Variants in NUDT21 observed in about 807,000 individuals in gnomAD.
The protein encoded by NUDT21 is nudix hydrolase 21, also known as cleavage and polyadenylation specificity factor subunit 5.
NUDT21 carries 5 observed loss-of-function variants against 29.8 expected under a neutral mutation model. The observed-to-expected ratio is 0.17, with a 90% CI of 0.09 to 0.35. The LOEUF is 0.35. Among genes scored for constraint, NUDT21 ranks in the 10% least tolerant of loss-of-function variants. The pLI is 1.00. For synonymous variants in NUDT21, 113 were observed against 98.5 expected (o/e 1.15, Z -0.87); for missense variants, 76 against 276.0 (o/e 0.28, Z 5.13).
At chr16:56,443,005 A>G (rs760397714) in intron 3 of NUDT21, among the ~76,000 whole-genome samples, 1 of 151,886 alleles carries the variant, frequency 6.6e-6, no homozygotes, top group Non-Finnish European at 1.5e-5. Context: ...AGTTTTGTCA[A>G]TGGTTGAATT....
At position 56,447,779 on chromosome 16, in the gene NUDT21, C is replaced by T; in HGVS notation, c.317+10G>A. ...AAACTGTCTTGCTGTTAATTTCCAA[C>T]ACTACTTACAGTTTGAAGAAAGTTG... On this transcript the variant is annotated intron_variant, in intron 2 of 6. Transcript: ENST00000300291. 6.2e-7 allele frequency: 1 copy of T among 1,613,320 alleles called. No homozygotes were observed. The highest frequency in any genetic ancestry group is 8.5e-7 in the Non-Finnish European group (1 of 1,179,298).
intron 3 of NUDT21, 28 bp downstream of exon 3, chr16:56,446,598 T>C: frequency 7.5e-7 from 1 of 1,333,674 alleles, no homozygotes; most frequent in Non-Finnish European, 1.1e-6. Flanking sequence ...AAGTTGATGG[T>C]ATTCAAAGTG....
chr16:56,433,457 A>C (rs1290499723), intron 6 of NUDT21, among the ~76,000 whole-genome samples: 4 of 152,202 alleles, frequency 2.6e-5, no homozygotes, highest in African/African-American at 9.6e-5. Flanking sequence ...ATCTACTTTC[A>C]TAACCACCAT....
intron 4 of NUDT21, among the ~76,000 whole-genome samples, chr16:56,438,824 G>C (rs1486875566): frequency 6.6e-6 from 1 of 150,408 alleles, no homozygotes; most frequent in African/African-American, 2.4e-5. Flanking sequence ...GTGTGTAAAA[G>C]AGACTTTAGA....
At chr16:56,446,356 C>T in intron 3 of NUDT21, 1 of 302,414 alleles carries the variant, frequency 3.3e-6, no homozygotes. Flanking sequence ...GGAATTAGCG[C>T]ATGTAAAGCA....
intron 4 of NUDT21, 199 bp downstream of exon 4, chr16:56,439,458 G>T (rs1385627139): frequency 5.7e-6 from 3 of 529,530 alleles, no homozygotes; most frequent in Non-Finnish European, 1.0e-5. Context: ...TTACAGGCAT[G>T]AGCCACCTCG....
rs774806740 is a variant in NUDT21, at chr16:56,434,782, C to T, written c.519G>A (p.Lys173=). Residue 173 remains lysine, a synonymous_variant, in exon 5 of 7, where the codon AAG becomes AAA. Coordinates refer to ENST00000300291, the MANE Select transcript of NUDT21 (RefSeq NM_007006.3). ...TTTCTTGAAGCTGAACCAGAAACAA[C>T]TTCTTATGTTCCTTAGGCTTTGTAA... ...AHITKPKEHK[K]LFLVQLQEKA... is the part of the protein sequence containing the mutation. The T allele has an allele frequency of 4.4e-6, 7 of 1,603,460 alleles. No individual in the cohort carries two copies. The East Asian group carries it at 1.6e-4, about 36-fold the overall frequency.
chr16:56,451,056 G>A, intron 1 of NUDT21, 31 bp downstream of exon 1: 1 of 1,588,610 alleles, frequency 6.3e-7, no homozygotes, highest in Non-Finnish European at 8.6e-7. Context: ...TTTCACGAGA[G>A]AAATGCCCGC....
At chr16:56,434,886 A>C in intron 4 of NUDT21, 57 bp from the exon 5 acceptor site, 1 of 1,033,354 alleles carries the variant, frequency 9.7e-7, no homozygotes. Flanking sequence ...ATTTCTTTAC[A>C]TGTTTACTCC....
chr16:56,444,614 C>CAAA (rs1962196888), intron 3 of NUDT21, among the ~76,000 whole-genome samples: 2 of 116,810 alleles, frequency 1.7e-5, no homozygotes, highest in African/African-American at 6.5e-5. Context: ...AAAAAAAAAA[C>CAAA]AAAAACAAAA....
At position 56,429,671 on chromosome 16, in the gene NUDT21, G is replaced by C. The variant is rs1420909378; in HGVS notation, c.*3041C>G. The C allele has an allele frequency of 1.3e-5, 2 of 152,172 alleles. No homozygotes were observed. The highest frequency in any genetic ancestry group is 4.8e-5 in the African/African-American group (2 of 41,450). 9.4% of individuals were successfully genotyped at this position (152,172 alleles called of 1,614,324 possible). ...GATGTATAACAAGTGAAGTAAGTAT[G>C]GGAAAATCAAATCTTATGCTACAGA... is the stretch of plus-strand genomic sequence containing the variant. On this transcript the variant is annotated 3_prime_UTR_variant, in exon 7 of 7. Transcript: ENST00000300291.
chr16:56,436,779 T>C (rs1342125531), intron 4 of NUDT21, among the ~76,000 whole-genome samples: 1 of 152,224 alleles, frequency 6.6e-6, no homozygotes, highest in African/African-American at 2.4e-5. Flanking sequence ...GATAGGAAGA[T>C]GATATGCTCC....
chr16:56,446,415 A>G (rs1007859250), intron 3 of NUDT21: 2 of 480,870 alleles, frequency 4.2e-6, no homozygotes, highest in Non-Finnish European at 7.3e-6. Context: ...GTTTTAATTT[A>G]CCATTGCTGT....
chr16:56,439,894 T>C (rs1333290941), intron 3 of NUDT21, 148 bp from the exon 4 acceptor site: 4 of 676,392 alleles, frequency 5.9e-6, no homozygotes, highest in Non-Finnish European at 1.1e-5. Flanking sequence ...TTTGTTAATA[T>C]AGATGTCACT....
chr16:56,444,076 T>C (rs1962188855), intron 3 of NUDT21, among the ~76,000 whole-genome samples: 1 of 152,180 alleles, frequency 6.6e-6, no homozygotes, highest in Non-Finnish European at 1.5e-5. Context: ...GGCCAGGAGT[T>C]TGAGACCAGC....
chr16:56,446,758 T>C, intron 2 of NUDT21, 69 bp from the exon 3 acceptor site: 2 of 943,388 alleles, frequency 2.1e-6, no homozygotes, highest in Admixed American at 2.3e-5. Context: ...ACACAATAAT[T>C]GTTATTTCTA....
chr16:56,442,680 GC>G lies in NUDT21; in HGVS notation c.382-2935del, dbSNP rs754126106. Reference sequence around the variant, plus strand: ...AGGTCTTCTCAATCTCAAAACTCATGCCCTTTGAGGTTTGAGAAATTTTCTC... The same window carrying G: ...AGGTCTTCTCAATCTCAAAACTCATGCCTTTGAGGTTTGAGAAATTTTCTC... On this transcript the variant is annotated intron_variant, in intron 3 of 6. Coordinates refer to ENST00000300291, the MANE Select transcript of NUDT21 (RefSeq NM_007006.3). Among the ~76,000 whole-genome samples the G allele has an allele frequency of 3.9e-5, 6 of 152,132 alleles. No individual in the cohort carries two copies. In the East Asian group the frequency reaches 7.7e-4, roughly 20 times the overall value.
At chr16:56,435,784 T>TATATATATATATATATATA (rs58350584) in intron 4 of NUDT21, among the ~76,000 whole-genome samples, 2 of 101,994 alleles carry the variant, frequency 2.0e-5, no homozygotes, top group African/African-American at 3.8e-5. Flanking sequence ...TATATATATA[T>TATATATATATATATATATA]GATCAGTAAG....
intron 4 of NUDT21, chr16:56,439,198 G>T (rs1394926087): frequency 6.5e-6 from 1 of 154,364 alleles, no homozygotes; most frequent in African/African-American, 2.4e-5. Context: ...TTTTGAGAAG[G>T]AGTCTCACTG....
Sources: allele counts gnomAD v4.1 joint callset (sites outside exome capture counted in the v4.1 genomes callset), GRCh38; gene constraint gnomAD v4.1.1; transcripts MANE v1.5; gene names NCBI Gene and HGNC (gene_info 2026-07-23, HGNC 2026-07-21).